SETD4: variants seen among roughly 807,000 people sequenced by gnomAD.
SETD4 encodes the protein SET domain containing 4.
A neutral mutation model predicts 58.3 loss-of-function variants in SETD4; 46 were observed. The observed-to-expected ratio is 0.79, with a 90% CI of 0.62 to 1.01. The LOEUF is 1.01. Ranked by LOEUF, SETD4 falls within the 50% of genes least tolerant of loss-of-function variation. The pLI, the probability that SETD4 is intolerant of heterozygous loss-of-function variation, is 0.00. For missense variants in SETD4, 490 were observed against 523.3 expected, an observed-to-expected ratio of 0.94 and a Z score of 0.62; for synonymous variants, 190 against 202.6, an observed-to-expected ratio of 0.94 and a Z score of 0.53.
chr21:36,035,948 T>C lies in SETD4; in HGVS notation c.*45A>G. ...CAGCCCATGATGATGCTCTTCAAAA[T>C]TAACTTTTGTTTCTGTAGGAAAAGC... On this transcript the variant is annotated 3_prime_UTR_variant, in exon 12 of 12. Coordinates refer to ENST00000332131, the MANE Select transcript of SETD4 (RefSeq NM_017438.5). The C allele has an allele frequency of 1.1e-6, 1 of 920,174 alleles. No homozygotes were observed. Among genetic ancestry groups the C allele is most frequent in the South Asian group, 1.6e-5 (1 of 61,404 alleles). 57.0% of individuals were successfully genotyped at this position (920,174 alleles called of 1,614,324 possible). A position where few individuals can be genotyped will look rare whatever the true frequency, so the allele number is the denominator to read the frequency against.
intron 4 of SETD4, chr21:36,050,240 G>A: frequency 2.8e-6 from 4 of 1,421,282 alleles, no homozygotes; most frequent in Non-Finnish European, 4.0e-6. Flanking sequence ...TGGCTGCCAA[G>A]TTGTGGTTTT....
At chr21:36,059,474 G>A (rs2065170035) in intron 1 of SETD4, 1 of 152,916 alleles carries the variant, frequency 6.5e-6, no homozygotes, top group African/African-American at 2.4e-5. Context: ...GGCGGGCTGA[G>A]GTCAGGAGTT....
chr21:36,045,797 C>A lies in SETD4; in HGVS notation c.511G>T (p.Ala171Ser). Reference protein sequence around the residue: ...EQRAHVQEFFASSRDFFSSLQ... With the variant: ...EQRAHVQEFFSSSRDFFSSLQ... ...GAAGAGAAAAAGTCTCTGGAGGAAG[C>A]AAAGAACTCCTGCACGTGGGCTCTC... is the stretch of plus-strand genomic sequence containing the variant. Residue 171 changes from alanine to serine, a missense_variant, in exon 6 of 12, where the codon GCT becomes TCT. Ala to Ser is a moderately conservative substitution (Grantham distance 99). Coordinates refer to ENST00000332131, the MANE Select transcript of SETD4 (RefSeq NM_017438.5). 5 of 1,614,192 alleles carry A rather than the reference C, an allele frequency of 3.1e-6. No individual in the cohort carries two copies. Among genetic ancestry groups the A allele is most frequent in the Non-Finnish European group, 4.2e-6 (5 of 1,180,048 alleles).
At chr21:36,058,738 G>A (rs2123795440) in intron 2 of SETD4, 78 bp downstream of exon 2, 15 of 1,444,870 alleles carry the variant, frequency 1.0e-5, no homozygotes, top group African/African-American at 1.4e-5. Context: ...AAGAAAGAAA[G>A]AAAAGCTACG....
In SETD4 at chr21:36,053,588, G is replaced by C. The variant is rs751509627; in HGVS notation, c.202C>G (p.Leu68Val). The C allele has an allele frequency of 2.6e-5, 42 of 1,613,992 alleles. No individual in the cohort carries two copies. The highest frequency in any genetic ancestry group is 3.5e-5 in the Non-Finnish European group (41 of 1,180,014). The change falls in exon 4 of 12, where the codon CTG (leucine) becomes GTG (valine). Residue 68 changes from leucine (L) to valine (V), a missense_variant. Physicochemically the swap from Leu to Val is conservative, Grantham distance 32 (BLOSUM62 1). Transcript: ENST00000332131. ...GATCAAAGAACAGTTCTCACCTGCA[G>C]GGATGTTTGACTCATCAGCCCTCTT... is the stretch of plus-strand genomic sequence containing the variant. ...TGRGLMSQTS[L>V]QEGQMIISLP...
At position 36,040,561 on chromosome 21, in the gene SETD4, C is replaced by A. The variant is rs1365453052; in HGVS notation, c.1064+14G>T. ...CTGTTGCTACAGCTTAAGACCAACA[C>A]ATGTGAAACTTACAATTTCTCAGCT... On this transcript the variant is annotated intron_variant, in intron 9 of 11. Coordinates refer to ENST00000332131, the MANE Select transcript of SETD4 (RefSeq NM_017438.5). 4.3e-6 allele frequency: 7 copies of A among 1,610,498 alleles called. No homozygotes were observed. The African/African-American group carries it at 9.4e-5, about 22-fold the overall frequency.
chr21:36,053,993 G>A (rs1214724130), intron 3 of SETD4, among the ~76,000 whole-genome samples: 1 of 152,178 alleles, frequency 6.6e-6, no homozygotes, highest in Non-Finnish European at 1.5e-5. Flanking sequence ...TAGAGCCCCA[G>A]GCCACTTATC....
At position 36,058,811 on chromosome 21, in the gene SETD4, C is replaced by T. The variant is rs746260250; in HGVS notation, c.73+5G>A. The T allele has an allele frequency of 7.5e-6, 12 of 1,594,378 alleles. No individual in the cohort carries two copies. In the South Asian group the frequency reaches 1.2e-4, roughly 16 times the overall value. On this transcript the variant is annotated splice_donor_5th_base_variant and intron_variant, in intron 2 of 11. Transcript: ENST00000332131. ...TCATTACTGGTACTAAAAGAAAAAC[C>T]ATACCTCCTCTTGATTCAGAACTTC...
intron 9 of SETD4, 82 bp from the exon 10 acceptor site, chr21:36,038,355 CCTT>C: frequency 1.3e-6 from 2 of 1,485,590 alleles, no homozygotes; most frequent in Non-Finnish European, 1.8e-6. Context: ...CACATAAACT[CCTT>C]CTCCTATTTC....
intron 6 of SETD4, among the ~76,000 whole-genome samples, chr21:36,045,283 AGAAG>A (rs964916804): frequency 7.9e-5 from 12 of 152,222 alleles, no homozygotes; most frequent in African/African-American, 2.7e-4. Flanking sequence ...GGAACGAGGG[AGAAG>A]GAAGGAAGGC....
At position 36,054,553 on chromosome 21, in the gene SETD4, A is replaced by G. The variant is rs2064880127; in HGVS notation, c.170-933T>C. ...GGTGGCTCACTGCCTCAAGTCCTCC[A>G]TCAGTTTCCCGCAACTTGGATTTGA... On this transcript the variant is annotated intron_variant, in intron 3 of 11. Transcript: ENST00000332131. Among the ~76,000 whole-genome samples, 9 of 152,266 alleles carry G rather than the reference A, an allele frequency of 5.9e-5. No individual in the cohort carries two copies. The South Asian group carries it at 1.9e-3, about 32-fold the overall frequency.
chr21:36,055,874 C>G (rs1732754725), intron 3 of SETD4, among the ~76,000 whole-genome samples: 1 of 152,154 alleles, frequency 6.6e-6, no homozygotes, highest in Non-Finnish European at 1.5e-5. Flanking sequence ...TTAAACCCAT[C>G]CTTCCTAGGG....
chr21:36,042,509 C>G (rs999424055), intron 7 of SETD4: 2 of 152,136 alleles, frequency 1.3e-5, no homozygotes, highest in East Asian at 1.9e-4. Context: ...AATCTCGAAG[C>G]TGGTTTTCTA....
chr21:36,038,339 G>T, intron 9 of SETD4, 66 bp from the exon 10 acceptor site: 1 of 1,564,882 alleles, frequency 6.4e-7, no homozygotes, highest in Non-Finnish European at 8.7e-7. Context: ...TTTTGTTTCA[G>T]TGCAACACAT....
At chr21:36,039,215 A>C (rs1486990238) in intron 9 of SETD4, among the ~76,000 whole-genome samples, 1 of 152,152 alleles carries the variant, frequency 6.6e-6, no homozygotes, top group Non-Finnish European at 1.5e-5. Flanking sequence ...GTTACCTAGC[A>C]AAGAAAGCAC....
chr21:36,046,058 T>C (rs988923982), intron 5 of SETD4, 47 bp from the exon 6 acceptor site: 2 of 1,580,054 alleles, frequency 1.3e-6, no homozygotes, highest in Non-Finnish European at 1.7e-6. Context: ...TGATTCAAAA[T>C]ACGAAATAAG....
intron 3 of SETD4, among the ~76,000 whole-genome samples, chr21:36,054,150 G>A (rs555268126): frequency 6.6e-6 from 1 of 152,324 alleles, no homozygotes; most frequent in South Asian, 2.1e-4. Flanking sequence ...GGCTCTCCAT[G>A]ACCTGGTGAG....
chr21:36,058,009 G>T (rs926354720), intron 2 of SETD4, among the ~76,000 whole-genome samples: 3 of 152,184 alleles, frequency 2.0e-5, no homozygotes, highest in Non-Finnish European at 4.4e-5. Context: ...TTCAGACAGG[G>T]TTACCCTGAA....
intron 5 of SETD4, among the ~76,000 whole-genome samples, chr21:36,046,965 G>A (rs1319773819): frequency 6.6e-6 from 1 of 152,186 alleles, no homozygotes; most frequent in Non-Finnish European, 1.5e-5. Context: ...ATGGTTAAGA[G>A]ACAGTATACG....
Sources: gnomAD v4.1 joint callset for allele counts (sites outside exome capture counted in the v4.1 genomes callset) on GRCh38, gnomAD v4.1.1 for gene constraint, MANE v1.5 for transcripts, NCBI Gene and HGNC (gene_info 2026-07-23, HGNC 2026-07-21) for gene names.